Variants in AGBL1 observed in about 807,000 individuals in gnomAD.
AGBL1 encodes cytosolic carboxypeptidase 4.
In AGBL1, 130 loss-of-function variants were observed where a neutral mutation model predicts 118.9. That is an observed-to-expected ratio of 1.09 (90% CI 0.95 to 1.26). AGBL1 has a LOEUF of 1.26. Ranked by LOEUF, AGBL1 falls within the 50% of genes most tolerant of loss-of-function variation. The pLI, the probability that AGBL1 is intolerant of heterozygous loss-of-function variation, is 0.00. For synonymous variants in AGBL1, 555 were observed against 478.9 expected, an observed-to-expected ratio of 1.16 and a Z score of -2.08; for missense variants, 1,584 against 1,298.1, an observed-to-expected ratio of 1.22 and a Z score of -3.38.
At chr15:86,402,388 A>G (rs1009962858) in intron 18 of AGBL1, among the ~76,000 whole-genome samples, 3 of 152,158 alleles carry the variant, frequency 2.0e-5, no homozygotes, top group Admixed American at 1.3e-4. Context: ...GTATATAATC[A>G]TATCACTGGC....
intron 18 of AGBL1, among the ~76,000 whole-genome samples, chr15:86,510,348 C>T (rs201964493): frequency 0.44 from 66,898 of 151,356 alleles, 15,655 homozygotes; most frequent in East Asian, 0.68. Flanking sequence ...GGAATTCCTT[C>T]ATGGCCTGCA....
At chr15:86,229,770 G>T (rs2078425710) in intron 6 of AGBL1, among the ~76,000 whole-genome samples, 1 of 152,162 alleles carries the variant, frequency 6.6e-6, no homozygotes, top group Non-Finnish European at 1.5e-5. Flanking sequence ...GCGGCAATGG[G>T]ATTATGCCTG....
downstream of AGBL1, among the ~76,000 whole-genome samples, chr15:87,030,959 G>C (rs527754915): frequency 6.6e-6 from 1 of 151,898 alleles, no homozygotes; most frequent in Non-Finnish European, 1.5e-5. Context: ...TGATATTTCC[G>C]ATACAACCAA....
intron 17 of AGBL1, among the ~76,000 whole-genome samples, chr15:86,359,837 C>A (rs1344300393): frequency 6.6e-6 from 1 of 151,622 alleles, no homozygotes; most frequent in Non-Finnish European, 1.5e-5. Flanking sequence ...GGGGTTCTTT[C>A]TTAATTTTCT....
chr15:86,918,753 G>A (rs532315596), downstream of AGBL1, among the ~76,000 whole-genome samples: 2 of 152,302 alleles, frequency 1.3e-5, no homozygotes, highest in South Asian at 4.1e-4. Context: ...AATACGTGAA[G>A]CACACTATAA....
chr15:86,292,332 G>T (rs973372405), intron 16 of AGBL1, among the ~76,000 whole-genome samples: 1 of 152,058 alleles, frequency 6.6e-6, no homozygotes, highest in Non-Finnish European at 1.5e-5. Flanking sequence ...GGTGGAGGGA[G>T]GTACCATGAG....
At chr15:86,656,407 T>G (rs2085462272) in intron 21 of AGBL1, among the ~76,000 whole-genome samples, 1 of 152,102 alleles carries the variant, frequency 6.6e-6, no homozygotes, top group African/African-American at 2.4e-5. Context: ...TTGCCTGCAT[T>G]ATGTAGGAAA....
chr15:86,508,329 T>C (rs1455333914), intron 18 of AGBL1, among the ~76,000 whole-genome samples: 2 of 152,020 alleles, frequency 1.3e-5, no homozygotes, highest in Non-Finnish European at 2.9e-5. Context: ...CACAAAAGCT[T>C]TTCTGTAACA....
intron 18 of AGBL1, among the ~76,000 whole-genome samples, chr15:86,457,931 A>C (rs1401279648): frequency 1.3e-5 from 2 of 152,196 alleles, no homozygotes; most frequent in Non-Finnish European, 2.9e-5. Flanking sequence ...GCCTCTTTCA[A>C]CTGTCAGTGC....
At position 86,924,440 on chromosome 15, in the gene AGBL1, G is replaced by A. The variant is rs181920156; in HGVS notation, c.3222-63547G>A. On this transcript the variant is annotated intron_variant, in intron 23 of 24. Transcript: ENST00000441037. ...CAGCAAATTACTTTGAAGTACAGCC[G>A]TGTTAGTTGTAATATTAGCTATTGA... 2.2e-4 allele frequency among the ~76,000 whole-genome samples: 34 copies of A among 152,298 alleles called. 1 individual carries two copies. In the East Asian group the frequency reaches 2.3e-3, roughly 10 times the overall value.
Position 86,108,244 on chromosome 15 carries a change from G to A in AGBL1, c.51+28221G>A, listed in dbSNP as rs183291105. On this transcript the variant is annotated intron_variant, in intron 1 of 22. Transcript: ENST00000614907. ...TTACATACTTCACATAGAACAGGTT[G>A]AGCATAATAGTAATTTTTGCAGCAA... Among the ~76,000 whole-genome samples the A allele has an allele frequency of 2.0e-3, 301 of 152,336 alleles. 1 individual carries two copies. Among genetic ancestry groups the A allele is most frequent in the Non-Finnish European group, 3.7e-3 (253 of 68,024 alleles).
chr15:86,972,922 G>A (rs2081125045), intron 23 of AGBL1, among the ~76,000 whole-genome samples: 1 of 151,904 alleles, frequency 6.6e-6, no homozygotes, highest in South Asian at 2.1e-4. Context: ...CAAATTTCTG[G>A]AGTAGCCATC....
intron 17 of AGBL1, among the ~76,000 whole-genome samples, chr15:86,313,313 G>GA (rs147038317): frequency 0.01 from 1,549 of 151,714 alleles, 32 homozygotes; most frequent in African/African-American, 0.032. Flanking sequence ...GAACTCTTTA[G>GA]AAAAAAAACA....
intron 17 of AGBL1, among the ~76,000 whole-genome samples, chr15:86,298,305 A>ATATATATATGAATATATTCT: frequency 8.3e-6 from 1 of 120,014 alleles, no homozygotes; most frequent in Admixed American, 8.5e-5. Flanking sequence ...TATGGTAGCT[A>ATATATATATGAATATATTCT]TATATATATA....
chr15:86,724,161 G>A (rs375339979), intron 22 of AGBL1, among the ~76,000 whole-genome samples: 13 of 150,158 alleles, frequency 8.7e-5, no homozygotes, highest in South Asian at 6.3e-4. Flanking sequence ...GCGTGAATCC[G>A]GGAGGCCGAG....
chr15:86,277,078 C>T (rs1381460554), intron 15 of AGBL1, among the ~76,000 whole-genome samples: 5 of 152,066 alleles, frequency 3.3e-5, no homozygotes, highest in South Asian at 4.2e-4. Flanking sequence ...AGAGTTTAGA[C>T]CCCAGACAAG....
intron 1 of AGBL1, among the ~76,000 whole-genome samples, chr15:86,092,104 A>G (rs1471175504): frequency 2.0e-5 from 3 of 152,154 alleles, no homozygotes; most frequent in Non-Finnish European, 4.4e-5. Flanking sequence ...GAGAACCTCA[A>G]AATAAATATA....
chr15:86,634,481 T>C (rs1005346756), intron 21 of AGBL1, among the ~76,000 whole-genome samples: 3 of 152,120 alleles, frequency 2.0e-5, no homozygotes, highest in African/African-American at 7.2e-5. Flanking sequence ...CACAATTCTA[T>C]TTATAGGAAA....
intron 19 of AGBL1, among the ~76,000 whole-genome samples, chr15:86,539,641 A>T (rs147636530): frequency 2.4e-4 from 36 of 152,268 alleles, no homozygotes; most frequent in African/African-American, 8.4e-4. Flanking sequence ...CTACCCTCTT[A>T]TTCCAAATTA....
Sources: allele counts gnomAD v4.1 joint callset (sites outside exome capture counted in the v4.1 genomes callset), GRCh38; gene constraint gnomAD v4.1.1; transcripts MANE v1.5; gene names NCBI Gene and HGNC (gene_info 2026-07-23, HGNC 2026-07-21).